Variants in CTNNA3 observed in about 807,000 individuals in gnomAD.
CTNNA3 encodes the protein catenin alpha 3.
Under a neutral mutation model 95.7 loss-of-function variants are expected in CTNNA3, and 76 were observed. That is an observed-to-expected ratio of 0.79 (90% CI 0.66 to 0.96). The LOEUF (loss-of-function observed/expected upper bound fraction) is 0.96, where lower values mean the gene tolerates loss of function less well. CTNNA3 is among the 40% of genes least tolerant of loss of function. CTNNA3 has a pLI of 0.00. For missense variants in CTNNA3, 1,191 were observed against 1,089.8 expected (o/e 1.09, Z -1.31); for synonymous variants, 431 against 374.4 (o/e 1.15, Z -1.74).
chr10:66,829,132 A>T (rs1842620188), intron 7 of CTNNA3, among the ~76,000 whole-genome samples: 1 of 152,244 alleles, frequency 6.6e-6, no homozygotes, highest in Non-Finnish European at 1.5e-5. Flanking sequence ...AGCTAGAAAA[A>T]ATGTCTCTGG....
intron 13 of CTNNA3, among the ~76,000 whole-genome samples, chr10:66,259,177 T>C (rs1704786046): frequency 6.6e-6 from 1 of 152,170 alleles, no homozygotes; most frequent in East Asian, 1.9e-4. Flanking sequence ...CAACAGCAAC[T>C]TCCATTTACA....
chr10:67,582,846 T>A (rs1017181363), intron 3 of CTNNA3, among the ~76,000 whole-genome samples: 1 of 152,138 alleles, frequency 6.6e-6, no homozygotes, highest in Non-Finnish European at 1.5e-5. Context: ...TCTTTTTTCA[T>A]TTAAAGTCTG....
At chr10:67,613,808 G>T (rs1454689146) in intron 2 of CTNNA3, among the ~76,000 whole-genome samples, 1 of 151,888 alleles carries the variant, frequency 6.6e-6, no homozygotes, top group Non-Finnish European at 1.5e-5. Context: ...CAACCTTTTT[G>T]GTACCAGAGA....
intron 2 of CTNNA3, among the ~76,000 whole-genome samples, chr10:67,627,800 C>G (rs1839007249): frequency 6.6e-6 from 1 of 151,594 alleles, no homozygotes; most frequent in Non-Finnish European, 1.5e-5. Context: ...TACTTACTTC[C>G]TAGGTTTTCA....
intron 10 of CTNNA3, among the ~76,000 whole-genome samples, chr10:66,585,289 T>A (rs957700554): frequency 6.6e-6 from 1 of 152,070 alleles, no homozygotes; most frequent in Non-Finnish European, 1.5e-5. Context: ...ACTTTTGAAA[T>A]TTTTGCTACG....
chr10:66,457,547 G>T (rs1367337694), intron 11 of CTNNA3, among the ~76,000 whole-genome samples: 1 of 151,788 alleles, frequency 6.6e-6, no homozygotes, highest in African/African-American at 2.4e-5. Flanking sequence ...AGAAAGATAT[G>T]TACATGAATA....
intron 9 of CTNNA3, among the ~76,000 whole-genome samples, chr10:66,708,586 T>C (rs538902062): frequency 6.6e-6 from 1 of 152,052 alleles, no homozygotes; most frequent in East Asian, 1.9e-4. Flanking sequence ...GGCTTCAACA[T>C]ATGAATGAGG....
chr10:66,938,016 G>C (rs1847805040), intron 7 of CTNNA3, among the ~76,000 whole-genome samples: 1 of 151,964 alleles, frequency 6.6e-6, no homozygotes, highest in Non-Finnish European at 1.5e-5. Flanking sequence ...AATGGTGGCT[G>C]ATACAGTCTT....
chr10:66,989,675 C>T (rs1925607), intron 7 of CTNNA3, among the ~76,000 whole-genome samples: 11,239 of 152,110 alleles, frequency 0.074, 572 homozygotes, highest in African/African-American at 0.13. Flanking sequence ...ACAGTCTTTA[C>T]ATAATAAGAC....
intron 9 of CTNNA3, among the ~76,000 whole-genome samples, chr10:66,648,637 G>A (rs1235573003): frequency 1.3e-5 from 2 of 151,950 alleles, no homozygotes; most frequent in African/African-American, 4.8e-5. Flanking sequence ...AAATATTCTA[G>A]CTACATACAA....
intron 13 of CTNNA3, among the ~76,000 whole-genome samples, chr10:66,266,632 C>A (rs561799682): frequency 1.1e-4 from 16 of 151,980 alleles, no homozygotes; most frequent in Non-Finnish European, 1.6e-4. Context: ...AATCCCTTCA[C>A]CTTGGCTGCT....
intron 7 of CTNNA3, among the ~76,000 whole-genome samples, chr10:67,070,527 T>C (rs1373033850): frequency 6.6e-6 from 1 of 152,128 alleles, no homozygotes; most frequent in Admixed American, 6.6e-5. Flanking sequence ...GGCAGGCAGA[T>C]AACAAGGTCC....
rs1041566233 is a variant in CTNNA3, at chr10:66,090,855, C to T, written c.1977+12302G>A. ...CTTATATATTAGAAATACATGTTCACATTTCTAAAAAATAAATGTAAGTTA... is the reference window on the plus strand; with the variant it reads ...CTTATATATTAGAAATACATGTTCATATTTCTAAAAAATAAATGTAAGTTA... On this transcript the variant is annotated intron_variant, in intron 14 of 17. Coordinates refer to ENST00000433211, the MANE Select transcript of CTNNA3 (RefSeq NM_013266.4). Among the ~76,000 whole-genome samples, 16 of 152,024 alleles carry T rather than the reference C, an allele frequency of 1.1e-4. No individual in the cohort carries two copies. The East Asian group carries it at 3.1e-3, about 29-fold the overall frequency.
chr10:66,780,737 G>T (rs1215215903), intron 7 of CTNNA3, among the ~76,000 whole-genome samples: 2 of 152,192 alleles, frequency 1.3e-5, no homozygotes, highest in Admixed American at 6.5e-5. Flanking sequence ...CTAGCACAGT[G>T]CTTTGCACAT....
chr10:66,281,170 G>A (rs1036770865), intron 12 of CTNNA3, among the ~76,000 whole-genome samples: 2 of 151,760 alleles, frequency 1.3e-5, no homozygotes, highest in African/African-American at 4.8e-5. Flanking sequence ...AAAAAAATTA[G>A]TGAAAAGGAA....
At chr10:66,520,851 A>C in intron 10 of CTNNA3, 78 bp from the exon 11 acceptor site, 1 of 906,764 alleles carries the variant, frequency 1.1e-6, no homozygotes, top group Non-Finnish European at 1.7e-6. Context: ...CTAAAAGCCC[A>C]CACTTCACCA....
chr10:67,372,645 G>A (rs558757387), intron 5 of CTNNA3, among the ~76,000 whole-genome samples: 27 of 152,030 alleles, frequency 1.8e-4, no homozygotes, highest in Non-Finnish European at 3.2e-4. Flanking sequence ...GATACTCCTC[G>A]AGAAGAGCAA....
chr10:67,385,836 CAAAA>C (rs34264491), intron 5 of CTNNA3, among the ~76,000 whole-genome samples: 4 of 83,596 alleles, frequency 4.8e-5, no homozygotes, highest in Non-Finnish European at 1.0e-4. Flanking sequence ...TGAAGGATCT[CAAAA>C]AAAAAAAAAA....
chr10:66,911,939 G>A (rs150437038), intron 7 of CTNNA3, among the ~76,000 whole-genome samples: 1 of 152,224 alleles, frequency 6.6e-6, no homozygotes, highest in Admixed American at 6.5e-5. Context: ...CTAGGCAGAA[G>A]CCTAGAGTAT....
Sources: gnomAD v4.1 joint callset for allele counts (sites outside exome capture counted in the v4.1 genomes callset) on GRCh38, gnomAD v4.1.1 for gene constraint, MANE v1.5 for transcripts, NCBI Gene and HGNC (gene_info 2026-07-23, HGNC 2026-07-21) for gene names.